TBC1D19: variants seen among roughly 807,000 people sequenced by gnomAD.
TBC1D19 encodes TBC1 domain family, member 19.
Under a neutral mutation model 89.0 loss-of-function variants are expected in TBC1D19, and 60 were observed. The observed-to-expected ratio is 0.67, with a 90% CI of 0.55 to 0.84. The LOEUF (loss-of-function observed/expected upper bound fraction) is 0.84, where lower values mean the gene tolerates loss of function less well. Ranked by LOEUF, TBC1D19 falls within the 40% of genes least tolerant of loss-of-function variation. TBC1D19 has a pLI of 0.00. For missense variants in TBC1D19, 500 were observed against 610.8 expected, an observed-to-expected ratio of 0.82 and a Z score of 1.91; for synonymous variants, 189 against 199.7, an observed-to-expected ratio of 0.95 and a Z score of 0.45.
At chr4:26,820,481 A>G in the TBC1D19 span, among the ~76,000 whole-genome samples, 1 of 152,344 alleles carries the variant, frequency 6.6e-6, no homozygotes, top group African/African-American at 2.4e-5. Flanking sequence ...TCGACCAAGC[A>G]TAACATCCTC....
At chr4:26,754,754 T>C (rs898486142) in intron 20 of TBC1D19, 119 bp from the exon 21 acceptor site, 110 of 725,992 alleles carry the variant, frequency 1.5e-4, no homozygotes, top group Non-Finnish European at 2.2e-4. Context: ...AGCTTTAGTA[T>C]TAAGATTTAG....
At chr4:26,661,767 T>C (rs1371221662) in intron 8 of TBC1D19, among the ~76,000 whole-genome samples, 1 of 152,100 alleles carries the variant, frequency 6.6e-6, no homozygotes, top group Non-Finnish European at 1.5e-5. Context: ...GACAGTATAC[T>C]AGCATGCCAT....
At chr4:26,618,573 A>G (rs1163633983) in intron 3 of TBC1D19, among the ~76,000 whole-genome samples, 2 of 152,236 alleles carry the variant, frequency 1.3e-5, no homozygotes, top group Admixed American at 6.5e-5. Flanking sequence ...GGATCCTAAA[A>G]GCATTTGGGT....
At chr4:26,799,775 G>A in the TBC1D19 span, among the ~76,000 whole-genome samples, 1 of 152,128 alleles carries the variant, frequency 6.6e-6, no homozygotes, top group Non-Finnish European at 1.5e-5. Context: ...AGAATTGTGA[G>A]CAATAAATTC....
intron 19 of TBC1D19, among the ~76,000 whole-genome samples, chr4:26,753,398 G>C (rs1719086660): frequency 6.6e-6 from 1 of 152,090 alleles, no homozygotes; most frequent in African/African-American, 2.4e-5. Flanking sequence ...GGGAGGGTGA[G>C]GCAGGACAAT....
intron 7 of TBC1D19, among the ~76,000 whole-genome samples, chr4:26,655,162 C>T (rs1412216966): frequency 6.6e-6 from 1 of 152,202 alleles, no homozygotes; most frequent in Non-Finnish European, 1.5e-5. Context: ...GCCTGGGTGT[C>T]AGCAGCGGCA....
intron 15 of TBC1D19, among the ~76,000 whole-genome samples, chr4:26,725,578 A>T (rs570707696): frequency 6.6e-6 from 1 of 151,838 alleles, no homozygotes; most frequent in African/African-American, 2.4e-5. Context: ...TGCTGGGCTG[A>T]TTTTTTTGTA....
chr4:26,620,765 C>A, intron 4 of TBC1D19, 77 bp downstream of exon 4: 2 of 1,281,474 alleles, frequency 1.6e-6, no homozygotes, highest in Admixed American at 1.9e-5. Flanking sequence ...TTACTGATGT[C>A]AGGAGTATGT....
chr4:26,606,562 A>G (rs1342981990), intron 1 of TBC1D19, among the ~76,000 whole-genome samples: 1 of 152,196 alleles, frequency 6.6e-6, no homozygotes, highest in Non-Finnish European at 1.5e-5. Context: ...CCAGTAGAAT[A>G]GTTCAGAGAT....
intron 13 of TBC1D19, among the ~76,000 whole-genome samples, chr4:26,713,028 T>C (rs912386369): frequency 9.9e-5 from 15 of 152,008 alleles, no homozygotes; most frequent in Admixed American, 6.6e-5. Flanking sequence ...CCTACCACAG[T>C]GGTATGTGAA....
At chr4:26,741,152 C>A (rs546624268) in intron 17 of TBC1D19, among the ~76,000 whole-genome samples, 1 of 151,850 alleles carries the variant, frequency 6.6e-6, no homozygotes, top group Non-Finnish European at 1.5e-5. Flanking sequence ...GTCAGGAGAT[C>A]GAGACCATCC....
At chr4:26,812,495 A>C in the TBC1D19 span, among the ~76,000 whole-genome samples, 1 of 152,178 alleles carries the variant, frequency 6.6e-6, no homozygotes, top group African/African-American at 2.4e-5. This position sits in a 1 kb window ranked among gnomAD's most constrained non-coding sequence, Gnocchi z 4.2. Flanking sequence ...GGAGCCCCAG[A>C]GAGGTTCTCT....
At chr4:26,582,321 G>C (rs1739098149), upstream of TBC1D19, among the ~76,000 whole-genome samples, 1 of 152,186 alleles carries the variant, frequency 6.6e-6, no homozygotes, top group African/African-American at 2.4e-5. Flanking sequence ...GATAGGGAAA[G>C]AGACTCATGC....
At chr4:26,679,403 G>A (rs1713133646) in intron 11 of TBC1D19, among the ~76,000 whole-genome samples, 4 of 152,180 alleles carry the variant, frequency 2.6e-5, no homozygotes, top group Admixed American at 2.6e-4. Context: ...TGGTCTAGCA[G>A]GTACACAGAA....
chr4:26,610,147 A>T (rs1196284990), intron 1 of TBC1D19, among the ~76,000 whole-genome samples: 1 of 152,048 alleles, frequency 6.6e-6, no homozygotes, highest in African/African-American at 2.4e-5. Flanking sequence ...TAAATGTGGG[A>T]CTTTAAAATG....
the TBC1D19 span, among the ~76,000 whole-genome samples, chr4:26,815,410 TACTACC>T: frequency 6.6e-6 from 1 of 152,250 alleles, no homozygotes; most frequent in Non-Finnish European, 1.5e-5. Context: ...AACTTCCTCT[TACTACC>T]ACAAAACACA....
chr4:26,608,645 G>A (rs970449161), intron 1 of TBC1D19, among the ~76,000 whole-genome samples: 2 of 152,052 alleles, frequency 1.3e-5, no homozygotes, highest in Non-Finnish European at 2.9e-5. Flanking sequence ...TCTTTAAATT[G>A]TCTTCTCTCC....
the TBC1D19 span, among the ~76,000 whole-genome samples, chr4:26,848,947 C>T: frequency 6.6e-6 from 1 of 152,080 alleles, no homozygotes; most frequent in Non-Finnish European, 1.5e-5. Flanking sequence ...AATACCAGCA[C>T]TTTGGGAGGC....
intron 13 of TBC1D19, among the ~76,000 whole-genome samples, chr4:26,713,900 CAT>C (rs1194875569): frequency 1.3e-5 from 2 of 152,042 alleles, no homozygotes; most frequent in East Asian, 1.9e-4. Context: ...CAGAGACACT[CAT>C]ATGTGTAAAA....
Sources: gnomAD v4.1 joint callset for allele counts (sites outside exome capture counted in the v4.1 genomes callset) on GRCh38, gnomAD v4.1.1 for gene constraint, Gnocchi (gnomAD v3.1) non-coding constraint, MANE v1.5 for transcripts, NCBI Gene and HGNC (gene_info 2026-07-23, HGNC 2026-07-21) for gene names.